Variants in KDM6A observed in about 807,000 individuals in gnomAD.
KDM6A encodes the protein lysine-specific demethylase 6A.
KDM6A carries 11 observed loss-of-function variants against 117.6 expected under a neutral mutation model. That is an observed-to-expected ratio of 0.09 (90% CI 0.06 to 0.15). The LOEUF (loss-of-function observed/expected upper bound fraction) is 0.15. Ranked by LOEUF, KDM6A falls within the 10% of genes least tolerant of loss-of-function variation. The pLI is 1.00. For synonymous variants in KDM6A, 384 were observed against 396.1 expected (o/e 0.97, Z 0.36); for missense variants, 799 against 1,077.3 (o/e 0.74, Z 3.62).
intron 1 of KDM6A, 85 bp downstream of exon 1, chrX:44,873,797 C>A: frequency 6.1e-6 from 7 of 1,140,137 alleles, no homozygotes; most frequent in Non-Finnish European, 8.2e-6. Context: ...TTGTCTCTGG[C>A]GGCGGCGGGG....
chrX:44,878,098 T>C, intron 2 of KDM6A, among the ~76,000 whole-genome samples: 1 of 111,749 alleles, frequency 8.9e-6, no homozygotes, highest in Non-Finnish European at 1.9e-5. Flanking sequence ...GAGTATCCTT[T>C]ATCCAAAATG....
At chrX:45,067,043 G>A (rs934670771) in intron 17 of KDM6A, among the ~76,000 whole-genome samples, 2 of 112,045 alleles carry the variant, frequency 1.8e-5, no homozygotes, top group Non-Finnish European at 3.8e-5. Context: ...GTTGATATAT[G>A]GTATTAATAT....
At chrX:44,875,627 CA>C (rs1020309981) in intron 2 of KDM6A, among the ~76,000 whole-genome samples, 2 of 107,650 alleles carry the variant, frequency 1.9e-5, no homozygotes, top group South Asian at 7.9e-4. Flanking sequence ...TGACTGCTGT[CA>C]AAGTTGTCAT....
Position 44,895,144 on chromosome X carries a change from C to T in KDM6A, c.225+21157C>T, listed in dbSNP as rs184609926. Among the ~76,000 whole-genome samples the T allele has an allele frequency of 6.7e-3, 676 of 100,553 alleles. 3 individuals are homozygous for T. The highest frequency in any genetic ancestry group is 0.023 in the African/African-American group (617 of 27,394). The allele number at this position is 100,553 out of a possible 115,157, so 87.3% of individuals were successfully genotyped here. A position where few individuals can be genotyped will look rare whatever the true frequency, so the allele number is the denominator to read the frequency against. ...TTTTAGAGACAGAGTCTCGCTCTGT[C>T]GCCCAGGCTGGAGTGCAGTGGCACG... On this transcript the variant is annotated intron_variant, in intron 2 of 29. Coordinates refer to ENST00000611820, the MANE Select transcript of KDM6A (RefSeq NM_001291415.2).
intron 4 of KDM6A, among the ~76,000 whole-genome samples, chrX:45,003,462 C>T (rs1331043424): frequency 2.0e-5 from 2 of 100,388 alleles, no homozygotes; most frequent in Non-Finnish European, 4.0e-5. Context: ...ACAGTTGTCG[C>T]TACAGATTGA....
chrX:45,046,292 TTTC>T lies in KDM6A; in HGVS notation c.655-5414_655-5412del, dbSNP rs1460829666. On this transcript the variant is annotated intron_variant, in intron 8 of 29. Coordinates refer to ENST00000611820, the MANE Select transcript of KDM6A (RefSeq NM_001291415.2). ...CTTATACATAGGAATTGCAGGTTAC[TTTC>T]TTATCGTGATAAAATGCATATGCTT... Among the ~76,000 whole-genome samples, 4 of 112,126 alleles carry T rather than the reference TTTC, an allele frequency of 3.6e-5. No individual in the cohort carries two copies. In the South Asian group the frequency reaches 1.1e-3, roughly 31 times the overall value.
intron 8 of KDM6A, among the ~76,000 whole-genome samples, chrX:45,047,681 T>TC (rs2043623909): frequency 1.8e-5 from 1 of 56,640 alleles, no homozygotes; most frequent in Non-Finnish European, 3.0e-5. Context: ...TTTCTTTTTT[T>TC]TTTTTTTTTT....
In KDM6A at chrX:45,035,996, T is replaced by G. The variant is rs776638211; in HGVS notation, c.619+1011T>G. ...TTATAGGCGGGAGCCACCGCGCCCG[T>G]CCGAAAAATGAAATTTTTAATTGGT... On this transcript the variant is annotated intron_variant, in intron 7 of 29. Transcript: ENST00000611820. Among the ~76,000 whole-genome samples the G allele has an allele frequency of 1.5e-4, 17 of 112,026 alleles. No individual in the cohort carries two copies. The East Asian group carries it at 4.5e-3, about 29-fold the overall frequency.
At chrX:44,967,565 T>A (rs992869273) in intron 3 of KDM6A, among the ~76,000 whole-genome samples, 11 of 111,708 alleles carry the variant, frequency 9.8e-5, no homozygotes, top group Non-Finnish European at 1.7e-4. Context: ...GTGTAAAGTT[T>A]TCTGAGCTTG....
At chrX:45,062,086 C>G (rs182688731) in intron 15 of KDM6A, among the ~76,000 whole-genome samples, 8 of 110,067 alleles carry the variant, frequency 7.3e-5, no homozygotes, top group Non-Finnish European at 1.5e-4. Flanking sequence ...TACATCCCCC[C>G]CTTTCTCACA....
rs1391748744 is a variant in KDM6A at position 45,107,442 on chromosome X, A to G, written c.4067A>G (p.Gln1356Arg). ...CTTCTAAGAACTCTGAAGCAATGTC[A>G]GACATTGAGGGAAGCTCTCATTGCT... Reference protein sequence around the residue: ...YCLLRTLKQCQTLREALIAAG... With the variant: ...YCLLRTLKQCRTLREALIAAG... The change falls in exon 28 of 30, where the codon CAG becomes CGG. Residue 1356 changes from glutamine (Q) to arginine (R), a missense_variant. Around this residue, in one of 8 missense-constraint regions of KDM6A, gnomAD observed 291 missense variants for 437.9 expected, o/e 0.66. Coordinates refer to ENST00000611820, the MANE Select transcript of KDM6A (RefSeq NM_001291415.2). 2.5e-6 allele frequency: 3 copies of G among 1,208,369 alleles called. No individual in the cohort carries two copies. The South Asian group carries it at 5.3e-5, about 21-fold the overall frequency.
At chrX:44,977,272 G>C (rs1416508960) in intron 4 of KDM6A, among the ~76,000 whole-genome samples, 2 of 110,634 alleles carry the variant, frequency 1.8e-5, no homozygotes, top group East Asian at 5.7e-4. Context: ...TAGTTTTTTA[G>C]AGACAAGGTC....
chrX:45,057,827 A>C (rs1221457913), intron 10 of KDM6A, among the ~76,000 whole-genome samples: 3 of 111,308 alleles, frequency 2.7e-5, no homozygotes, highest in Non-Finnish European at 5.7e-5. Flanking sequence ...AATTATGAGG[A>C]TAGAAATATG....
At chrX:45,012,104 A>G (rs1430366778) in intron 5 of KDM6A, among the ~76,000 whole-genome samples, 2 of 110,871 alleles carry the variant, frequency 1.8e-5, no homozygotes, top group African/African-American at 6.6e-5. Context: ...TTGTTTAAAA[A>G]ACAAAACTAC....
At chrX:44,883,808 T>C (rs2032553932) in intron 2 of KDM6A, among the ~76,000 whole-genome samples, 1 of 111,167 alleles carries the variant, frequency 9.0e-6, no homozygotes, top group South Asian at 3.7e-4. Context: ...GGTAAAGAGT[T>C]AGAAGTATAA....
At chrX:44,963,483 G>GTGTGTGTGTGTGTGTGTGTGTGTCTGTC (rs1481840859) in intron 3 of KDM6A, among the ~76,000 whole-genome samples, 3 of 40,889 alleles carry the variant, frequency 7.3e-5, no homozygotes, top group East Asian at 3.5e-3. Context: ...GTGTGTGTGT[G>GTGTGTGTGTGTGTGTGTGTGTGTCTGTC]TGTCTGTCTG....
chrX:45,063,317 T>G, intron 16 of KDM6A, 105 bp from the exon 17 acceptor site: 2 of 762,363 alleles, frequency 2.6e-6, no homozygotes, highest in Admixed American at 4.5e-5. Context: ...ATTCCCTAAT[T>G]ATACATCTTC....
In KDM6A at chrX:45,111,519, G is replaced by A; in HGVS notation, c.*108G>A. The A allele has an allele frequency of 1.4e-6, 1 of 699,887 alleles. No homozygotes were observed. The allele number at this position is 699,887 out of a possible 1,213,427, so 57.7% of individuals were successfully genotyped here. A position where few individuals can be genotyped will look rare whatever the true frequency, so the allele number is the denominator to read the frequency against. ...CTCGTAAGGCTGCTGGCTGAAAACT[G>A]TGTCTATGCAACCTTCCAAGTGCGG... On this transcript the variant is annotated 3_prime_UTR_variant, in exon 30 of 30. Transcript: ENST00000611820.
In KDM6A at chrX:45,051,591, T is replaced by G. The variant is rs994661030; in HGVS notation, c.655-118T>G. On this transcript the variant is annotated intron_variant, in intron 8 of 29. Coordinates refer to ENST00000611820, the MANE Select transcript of KDM6A (RefSeq NM_001291415.2). Reference sequence around the variant, plus strand: ...ACATTCAATAATGGAATCAGCACTTTTTTCTTTTAGTTTTAAAAAATATGC... The same window carrying G: ...ACATTCAATAATGGAATCAGCACTTGTTTCTTTTAGTTTTAAAAAATATGC... 3 of 455,894 alleles carry G rather than the reference T, an allele frequency of 6.6e-6. No homozygotes were observed. The African/African-American group carries it at 7.4e-5, about 11-fold the overall frequency. The allele number at this position is 455,894 out of a possible 1,213,427, so 37.6% of individuals were successfully genotyped here. A position where few individuals can be genotyped will look rare whatever the true frequency, so the allele number is the denominator to read the frequency against.
Sources: allele counts gnomAD v4.1 joint callset (sites outside exome capture counted in the v4.1 genomes callset), GRCh38; gene constraint gnomAD v4.1.1; regional missense constraint gnomAD v4.1.1; transcripts MANE v1.5; gene names NCBI Gene and HGNC (gene_info 2026-07-23, HGNC 2026-07-21).